RGL1: variants seen among roughly 807,000 people sequenced by gnomAD.
RGL1 encodes ral guanine nucleotide dissociation stimulator like 1, also known as ral guanine nucleotide dissociation stimulator-like 1.
Under a neutral mutation model 95.2 loss-of-function variants are expected in RGL1, and 24 were observed. The ratio of observed to expected loss-of-function variants is 0.25; its 90% CI spans 0.18 to 0.35. RGL1 has a LOEUF of 0.35. RGL1 is among the 10% of genes least tolerant of loss of function. RGL1 has a pLI of 1.00. For missense variants in RGL1, 715 were observed against 936.3 expected (o/e 0.76, Z 3.08); for synonymous variants, 329 against 344.9 (o/e 0.95, Z 0.51).
intron 5 of RGL1, among the ~76,000 whole-genome samples, chr1:183,882,754 G>A (rs547045395): frequency 5.3e-5 from 8 of 152,228 alleles, no homozygotes; most frequent in South Asian, 4.2e-4. Context: ...GTCCACTCTC[G>A]GAAGCTCCTT....
At position 183,883,987 on chromosome 1, in the gene RGL1, G is replaced by A; in HGVS notation, c.735+77G>A. 8.9e-6 allele frequency: 13 copies of A among 1,461,692 alleles called. No homozygotes were observed. The South Asian group carries it at 1.4e-4, about 16-fold the overall frequency. 90.5% of individuals were successfully genotyped at this position (1,461,692 alleles called of 1,614,324 possible). On this transcript the variant is annotated intron_variant, in intron 6 of 17. Coordinates refer to ENST00000360851, the MANE Select transcript of RGL1 (RefSeq NM_001297671.3). ...TGATGGCACTGGTGCCCCGGTGACAGCAGTGGGATAATGTGATTTTAAGTC... is the reference window on the plus strand; with the variant it reads ...TGATGGCACTGGTGCCCCGGTGACAACAGTGGGATAATGTGATTTTAAGTC...
intron 9 of RGL1, among the ~76,000 whole-genome samples, chr1:183,896,313 G>GT (rs1667697707): frequency 6.6e-6 from 1 of 152,222 alleles, no homozygotes; most frequent in Non-Finnish European, 1.5e-5. Context: ...AGCCTTCTGA[G>GT]TAGCTAGGAT....
intron 2 of RGL1, among the ~76,000 whole-genome samples, chr1:183,842,989 T>C (rs1398181242): frequency 6.6e-6 from 1 of 152,234 alleles, no homozygotes; most frequent in African/African-American, 2.4e-5. Context: ...CATTTCAAAA[T>C]AATTTCAGTG....
intron 2 of RGL1, among the ~76,000 whole-genome samples, chr1:183,823,921 G>C (rs1378511297): frequency 7.9e-5 from 12 of 152,092 alleles, no homozygotes; most frequent in Admixed American, 6.6e-5. Flanking sequence ...TGGATGGCTA[G>C]GACTACAGGC....
intron 2 of RGL1, among the ~76,000 whole-genome samples, chr1:183,830,280 T>C (rs1271504268): frequency 6.6e-6 from 1 of 152,218 alleles, no homozygotes; most frequent in East Asian, 1.9e-4. Context: ...CAATATCCTT[T>C]GTGTTCAACG....
intron 2 of RGL1, among the ~76,000 whole-genome samples, chr1:183,765,422 C>T (rs1225646657): frequency 1.3e-5 from 2 of 152,100 alleles, no homozygotes; most frequent in Non-Finnish European, 1.5e-5. Flanking sequence ...TTTCTGTATA[C>T]TCAATTGTTA....
rs138424366 is a variant in RGL1, at chr1:183,742,357, T to G, written c.132+68T>G. 2.8e-4 allele frequency: 443 copies of G among 1,585,174 alleles called. 2 individuals are homozygous for G. In the African/African-American group the frequency reaches 5.0e-3, roughly 18 times the overall value. On this transcript the variant is annotated intron_variant, in intron 2 of 18. Transcript: ENST00000304685. The stretch of plus-strand genomic sequence containing the variant: ...TGTTTATACCTGAGACCATAATTCT[T>G]CGTGTAGCCAGCACCACAGGCCAGC...
intron 1 of RGL1, among the ~76,000 whole-genome samples, chr1:183,691,365 T>TA (rs1338170772): frequency 6.6e-6 from 1 of 152,216 alleles, no homozygotes; most frequent in African/African-American, 2.4e-5. Flanking sequence ...GGGTGAGTGT[T>TA]ACGCTATCAC....
At chr1:183,907,332 AC>A (rs1428796689) in intron 14 of RGL1, among the ~76,000 whole-genome samples, 1 of 152,216 alleles carries the variant, frequency 6.6e-6, no homozygotes, top group Non-Finnish European at 1.5e-5. Context: ...CACTCCAGTA[AC>A]ATCTTCACTG....
At chr1:183,805,460 C>A in intron 1 of RGL1, 136 bp downstream of exon 1, 1 of 778,340 alleles carries the variant, frequency 1.3e-6, no homozygotes, top group Non-Finnish European at 2.2e-6. Flanking sequence ...AGCTCTCTCA[C>A]TCCGCTTTGT....
At chr1:183,728,739 C>T (rs532595828) in intron 1 of RGL1, among the ~76,000 whole-genome samples, 6 of 152,258 alleles carry the variant, frequency 3.9e-5, no homozygotes, top group Admixed American at 3.9e-4. Flanking sequence ...TTAACACTTA[C>T]TGTAAAGATA....
intron 1 of RGL1, among the ~76,000 whole-genome samples, chr1:183,704,480 C>G (rs1390444777): frequency 6.6e-6 from 1 of 152,050 alleles, no homozygotes; most frequent in African/African-American, 2.4e-5. Context: ...GGGGGTGACA[C>G]TATAAAATAG....
intron 2 of RGL1, among the ~76,000 whole-genome samples, chr1:183,760,662 T>A (rs1658615707): frequency 6.6e-6 from 1 of 150,400 alleles, no homozygotes; most frequent in Non-Finnish European, 1.5e-5. Flanking sequence ...GAGGCTTGCA[T>A]GAACCTCAGC....
At chr1:183,895,313 A>G (rs1022534572) in intron 9 of RGL1, among the ~76,000 whole-genome samples, 5 of 152,140 alleles carry the variant, frequency 3.3e-5, no homozygotes, top group African/African-American at 1.2e-4. Context: ...CAAGAACAGC[A>G]TGGATGAGGG....
intron 17 of RGL1, among the ~76,000 whole-genome samples, chr1:183,925,111 G>A (rs1482868008): frequency 6.6e-6 from 1 of 152,210 alleles, no homozygotes. Context: ...CATTGAAATT[G>A]AAAATAGTTT....
chr1:183,825,214 GC>G (rs1240894487), intron 2 of RGL1, among the ~76,000 whole-genome samples: 11 of 152,202 alleles, frequency 7.2e-5, no homozygotes, highest in Non-Finnish European at 1.2e-4. Flanking sequence ...GACATATCAT[GC>G]TGGAAGGGTT....
In RGL1 at chr1:183,746,926, T is replaced by C. The variant is rs1366052873; in HGVS notation, c.132+4637T>C. Among the ~76,000 whole-genome samples the C allele has an allele frequency of 2.6e-5, 4 of 152,294 alleles. No individual in the cohort carries two copies. In the South Asian group the frequency reaches 6.2e-4, roughly 24 times the overall value. On this transcript the variant is annotated intron_variant, in intron 2 of 18. Coordinates refer to the RGL1 transcript ENST00000304685. The stretch of plus-strand genomic sequence containing the variant: ...AGTGTTTGGTTTTCTGTTCCTGTGT[T>C]AGTTTGCTGAGAATGATGGTTTCCA...
rs561549509 is a variant in RGL1 at position 183,843,751 on chromosome 1, A to G, written c.139-3815A>G. The stretch of plus-strand genomic sequence containing the variant: ...GAAGCTTGATTTAAATCAGAGTTTG[A>G]CTATCCCTAACCACTGAGAAGCCAT... On this transcript the variant is annotated intron_variant, in intron 2 of 17. Transcript: ENST00000360851. Among the ~76,000 whole-genome samples the G allele has an allele frequency of 3.3e-5, 5 of 152,294 alleles. No individual in the cohort carries two copies. The East Asian group carries it at 9.6e-4, about 29-fold the overall frequency.
chr1:183,774,295 A>G (rs1273905002), intron 2 of RGL1, among the ~76,000 whole-genome samples: 1 of 152,248 alleles, frequency 6.6e-6, no homozygotes, highest in African/African-American at 2.4e-5. Flanking sequence ...CTGAGAAGAC[A>G]TATAAATAAA....
Sources: gnomAD v4.1 joint callset for allele counts (sites outside exome capture counted in the v4.1 genomes callset) on GRCh38, gnomAD v4.1.1 for gene constraint, MANE v1.5 for transcripts, NCBI Gene and HGNC (gene_info 2026-07-23, HGNC 2026-07-21) for gene names.